JAM2: variants seen among roughly 807,000 people sequenced by gnomAD.
JAM2 encodes junctional adhesion molecule B.
Under a neutral mutation model 42.0 loss-of-function variants are expected in JAM2, and 17 were observed. That is an observed-to-expected ratio of 0.40 (90% CI 0.28 to 0.61). The LOEUF (loss-of-function observed/expected upper bound fraction) is 0.61. Ranked by LOEUF, JAM2 falls within the 20% of genes least tolerant of loss-of-function variation. The probability of loss-of-function intolerance (pLI) is 0.37; values close to 1 mark genes in which losing one functional copy is unlikely to be tolerated. For missense variants in JAM2, 319 were observed against 358.3 expected, an observed-to-expected ratio of 0.89 and a Z score of 0.89; for synonymous variants, 118 against 128.6, an observed-to-expected ratio of 0.92 and a Z score of 0.56.
At position 25,714,736 on chromosome 21, in the gene JAM2, A is replaced by T; in HGVS notation, c.*64A>T. On this transcript the variant is annotated 3_prime_UTR_variant, in exon 10 of 10. Coordinates refer to ENST00000480456, the MANE Select transcript of JAM2 (RefSeq NM_021219.4). Reference sequence around the variant, plus strand: ...ACACAAGTTATTAAACTATTATAAAACTCTGCTTTGTCCGACATTTGCAAA... The same window carrying T: ...ACACAAGTTATTAAACTATTATAAATCTCTGCTTTGTCCGACATTTGCAAA... The T allele has an allele frequency of 9.1e-7, 1 of 1,093,712 alleles. No homozygotes were observed. Among genetic ancestry groups the T allele is most frequent in the South Asian group, 1.8e-5 (1 of 55,090 alleles). The allele number at this position is 1,093,712 out of a possible 1,614,324, so 67.8% of individuals were successfully genotyped here.
intron 1 of JAM2, among the ~76,000 whole-genome samples, chr21:25,675,692 C>T (rs1207671526): frequency 6.6e-6 from 1 of 152,018 alleles, no homozygotes; most frequent in Non-Finnish European, 1.5e-5. Flanking sequence ...CTCAGGAGAG[C>T]TCGCTCACTA....
intron 7 of JAM2, among the ~76,000 whole-genome samples, chr21:25,708,539 A>G (rs773887686): frequency 2.0e-5 from 3 of 152,196 alleles, no homozygotes; most frequent in Non-Finnish European, 4.4e-5. Context: ...CTGCACTCCA[A>G]GCTGGATAAC....
chr21:25,704,472 A>G (rs1344814009), intron 6 of JAM2, among the ~76,000 whole-genome samples: 1 of 152,236 alleles, frequency 6.6e-6, no homozygotes, highest in African/African-American at 2.4e-5. Flanking sequence ...TATGATAAGC[A>G]GATTCACTTA....
chr21:25,701,156 G>C (rs1465073166), intron 5 of JAM2, among the ~76,000 whole-genome samples: 1 of 152,128 alleles, frequency 6.6e-6, no homozygotes, highest in Non-Finnish European at 1.5e-5. Context: ...GATCATTTTG[G>C]GTTTTAGTCT....
At chr21:25,652,168 T>G (rs1379848991) in intron 1 of JAM2, among the ~76,000 whole-genome samples, 1 of 152,028 alleles carries the variant, frequency 6.6e-6, no homozygotes, top group Non-Finnish European at 1.5e-5. Flanking sequence ...GGAAGATTGC[T>G]TAAGACCAGG....
chr21:25,704,839 C>G (rs1486115617), intron 6 of JAM2, among the ~76,000 whole-genome samples: 1 of 152,158 alleles, frequency 6.6e-6, no homozygotes, highest in African/African-American at 2.4e-5. Flanking sequence ...GTTTCCTAAA[C>G]AAATCCATGT....
At chr21:25,642,843 C>T (rs537256515) in intron 1 of JAM2, among the ~76,000 whole-genome samples, 18 of 152,302 alleles carry the variant, frequency 1.2e-4, no homozygotes, top group African/African-American at 3.4e-4. Context: ...ATACCATAAA[C>T]GGAGTAGCTT....
chr21:25,689,317 T>A (rs1177610802), intron 2 of JAM2, among the ~76,000 whole-genome samples: 1 of 152,196 alleles, frequency 6.6e-6, no homozygotes, highest in East Asian at 1.9e-4. Context: ...TGAGTGAGAA[T>A]ATAGCATGTT....
At chr21:25,654,501 C>T (rs576303641) in intron 1 of JAM2, among the ~76,000 whole-genome samples, 213 of 151,702 alleles carry the variant, frequency 1.4e-3, no homozygotes, top group African/African-American at 5.0e-3. Context: ...TACAAAAATT[C>T]GCCAGGTGTG....
At chr21:25,644,941 C>T (rs1279911666) in intron 1 of JAM2, among the ~76,000 whole-genome samples, 7 of 152,094 alleles carry the variant, frequency 4.6e-5, no homozygotes, top group Admixed American at 2.0e-4. Flanking sequence ...AATGCAGTGG[C>T]GCAATCTCAG....
chr21:25,693,595 A>C (rs2033930125), intron 3 of JAM2, among the ~76,000 whole-genome samples, 161 bp from the exon 4 acceptor site: 1 of 152,186 alleles, frequency 6.6e-6, no homozygotes, highest in African/African-American at 2.4e-5. Flanking sequence ...CAAAAGAAAA[A>C]TTTTAAATAA....
intron 1 of JAM2, among the ~76,000 whole-genome samples, chr21:25,666,283 TAG>T (rs1422849228): frequency 6.8e-6 from 1 of 147,388 alleles, no homozygotes; most frequent in African/African-American, 2.5e-5. Context: ...TTTATAGTAA[TAG>T]AGATTTTTAA....
intron 7 of JAM2, among the ~76,000 whole-genome samples, chr21:25,706,832 C>T (rs2034281603): frequency 6.6e-6 from 1 of 152,298 alleles, no homozygotes; most frequent in South Asian, 2.1e-4. Flanking sequence ...CTCCACCTCC[C>T]AGGTTCACAC....
intron 3 of JAM2, among the ~76,000 whole-genome samples, chr21:25,690,426 T>C (rs916192490): frequency 8.5e-5 from 13 of 152,126 alleles, no homozygotes; most frequent in Non-Finnish European, 1.9e-4. Context: ...CCTCCAGGGC[T>C]CAAGTTATCC....
intron 1 of JAM2, among the ~76,000 whole-genome samples, chr21:25,678,215 G>T (rs1211522236): frequency 2.0e-5 from 3 of 152,128 alleles, no homozygotes; most frequent in Admixed American, 2.0e-4. Context: ...AATAGAGCGA[G>T]ACTCAGTCTC....
chr21:25,685,036 A>G (rs1360242129), intron 2 of JAM2, among the ~76,000 whole-genome samples: 2 of 152,218 alleles, frequency 1.3e-5, no homozygotes, highest in Admixed American at 6.5e-5. Context: ...GCTTATTAAC[A>G]TTTAAGAAAC....
chr21:25,650,820 G>A (rs2032753960), intron 1 of JAM2, among the ~76,000 whole-genome samples: 1 of 152,192 alleles, frequency 6.6e-6, no homozygotes, highest in Middle Eastern at 3.4e-3. Context: ...CAATGGAAGA[G>A]TATATAAAGT....
chr21:25,644,153 A>G (rs1470361648), intron 1 of JAM2: 1 of 152,260 alleles, frequency 6.6e-6, no homozygotes, highest in Non-Finnish European at 1.5e-5. Context: ...CAAAAGCAGC[A>G]AAATAAAACT....
rs78214465 is a variant in JAM2 at position 25,708,540 on chromosome 21, G to T, written c.806-894G>T. Among the ~76,000 whole-genome samples, 946 of 152,312 alleles carry T rather than the reference G, an allele frequency of 6.2e-3. 14 individuals carry two copies. Among genetic ancestry groups the T allele is most frequent in the African/African-American group, 0.022 (897 of 41,574 alleles). On this transcript the variant is annotated intron_variant, in intron 7 of 9. Coordinates refer to ENST00000480456, the MANE Select transcript of JAM2 (RefSeq NM_021219.4). ...TTGTAATCTCACCACTGCACTCCAA[G>T]CTGGATAACAGAGCAAGACACTGAC...
Sources: gnomAD v4.1 joint callset for allele counts (sites outside exome capture counted in the v4.1 genomes callset) on GRCh38, gnomAD v4.1.1 for gene constraint, MANE v1.5 for transcripts, NCBI Gene and HGNC (gene_info 2026-07-23, HGNC 2026-07-21) for gene names.